OGDH: variants seen among roughly 807,000 people sequenced by gnomAD.
OGDH encodes 2-oxoglutarate dehydrogenase complex component E1.
Under a neutral mutation model 116.6 loss-of-function variants are expected in OGDH, and 38 were observed. The ratio of observed to expected loss-of-function variants is 0.33; its 90% CI spans 0.25 to 0.43. The LOEUF (loss-of-function observed/expected upper bound fraction) is 0.43, where lower values mean the gene tolerates loss of function less well. OGDH is among the 20% of genes least tolerant of loss of function. OGDH has a pLI of 1.00. For missense variants in OGDH, 825 were observed against 1,357.2 expected (o/e 0.61, Z 6.16); for synonymous variants, 488 against 533.3 (o/e 0.92, Z 1.17).
intron 5 of OGDH, among the ~76,000 whole-genome samples, chr7:44,672,105 A>C (rs530479478): frequency 3.9e-4 from 59 of 152,122 alleles, no homozygotes; most frequent in Admixed American, 2.5e-3. Context: ...TAAAAAAAAA[A>C]CCTTAAATAC....
intron 6 of OGDH, 128 bp downstream of exon 6, chr7:44,674,069 C>T (rs1179200223): frequency 1.9e-6 from 2 of 1,061,844 alleles, no homozygotes; most frequent in Non-Finnish European, 2.7e-6. Context: ...ACAGGCAAAG[C>T]TCCATCTGCA....
intron 2 of OGDH, among the ~76,000 whole-genome samples, chr7:44,642,143 T>C (rs545603438): frequency 2.6e-4 from 40 of 151,510 alleles, no homozygotes; most frequent in African/African-American, 9.3e-4. Flanking sequence ...TAGGCCCAGA[T>C]GGTGGCTCAT....
chr7:44,682,675 G>A (rs1376364827), intron 10 of OGDH, among the ~76,000 whole-genome samples: 2 of 152,008 alleles, frequency 1.3e-5, no homozygotes, highest in East Asian at 3.9e-4. Flanking sequence ...GGGCGACAGA[G>A]CAGGAGTCTG....
chr7:44,696,285 C>T (rs939319276), intron 13 of OGDH, 144 bp from the exon 14 acceptor site: 40 of 1,127,084 alleles, frequency 3.5e-5, no homozygotes, highest in Admixed American at 2.2e-5. Flanking sequence ...TGGACCCAGA[C>T]CCCTGCATTA....
chr7:44,623,145 CTG>C (rs775158308), intron 1 of OGDH, among the ~76,000 whole-genome samples: 4 of 152,206 alleles, frequency 2.6e-5, no homozygotes, highest in Non-Finnish European at 5.9e-5. Context: ...GGACAACCCT[CTG>C]TGGCTTTTCC....
intron 14 of OGDH, 103 bp from the exon 15 acceptor site, chr7:44,696,811 T>C: frequency 7.1e-7 from 1 of 1,400,180 alleles, no homozygotes; most frequent in Non-Finnish European, 9.6e-7. Flanking sequence ...ACCCAGAAAC[T>C]ACGAGTAAAG....
At chr7:44,684,265 A>G (rs1160643639) in intron 10 of OGDH, among the ~76,000 whole-genome samples, 4 of 152,176 alleles carry the variant, frequency 2.6e-5, no homozygotes, top group African/African-American at 9.7e-5. Context: ...GACGCAAGGA[A>G]GTGATGAGAT....
Position 44,707,453 on chromosome 7 carries a change from G to A in OGDH, c.2796+65G>A. 6.2e-7 allele frequency: 1 copy of A among 1,602,140 alleles called. No homozygotes were observed. The highest frequency in any genetic ancestry group is 8.5e-7 in the Non-Finnish European group (1 of 1,173,224). ...GGGTCAGGGCTCTGGTGCCTTCACAGAACAGCCTTGCTTGGGGTGTGGCCC... is the reference window on the plus strand; with the variant it reads ...GGGTCAGGGCTCTGGTGCCTTCACAAAACAGCCTTGCTTGGGGTGTGGCCC... On this transcript the variant is annotated intron_variant, in intron 21 of 22. Coordinates refer to ENST00000222673, the MANE Select transcript of OGDH (RefSeq NM_002541.4). The surrounding 1 kb of genome is among the most constrained non-coding windows in gnomAD (Gnocchi z 5.2).
chr7:44,627,643 G>A (rs1166198080), intron 2 of OGDH, among the ~76,000 whole-genome samples: 3 of 151,966 alleles, frequency 2.0e-5, no homozygotes, highest in Non-Finnish European at 4.4e-5. Context: ...CCTGCCCTTT[G>A]GCACTACTTT....
Position 44,676,022 on chromosome 7 carries a change from G to A in OGDH, c.1079G>A (p.Arg360His), listed in dbSNP as rs764772007. 3.7e-6 allele frequency: 6 copies of A among 1,614,092 alleles called. No homozygotes were observed. Among genetic ancestry groups the A allele is most frequent in the East Asian group, 2.2e-5 (1 of 44,880 alleles). ...GGCATGTATCACCGCAGGATCAATC[G>A]TGTCACCGACAGGAACATTACCTTG... ...HLGMYHRRINRVTDRNITLSL... is the reference protein window; with the variant it reads ...HLGMYHRRINHVTDRNITLSL... Residue 360 changes from arginine (R) to histidine (H), a missense_variant, in exon 9 of 23, where the codon CGT (arginine) becomes CAT (histidine). By Grantham distance (29) the Arg-to-His change is conservative (BLOSUM62 0). This residue lies in a region of OGDH where 146 missense variants were observed against 317.3 expected (regional missense o/e 0.46). Coordinates refer to ENST00000222673, the MANE Select transcript of OGDH (RefSeq NM_002541.4).
intron 2 of OGDH, 32 bp from the exon 3 acceptor site, chr7:44,645,295 G>A: frequency 1.9e-6 from 3 of 1,597,306 alleles, no homozygotes; most frequent in Non-Finnish European, 1.7e-6. Flanking sequence ...TAGGGGAGCA[G>A]TGAGGTAACC....
At chr7:44,669,778 T>G (rs1300383785) in intron 5 of OGDH, among the ~76,000 whole-genome samples, 1 of 152,158 alleles carries the variant, frequency 6.6e-6, no homozygotes, top group East Asian at 1.9e-4. Context: ...CTGTATGCGC[T>G]CCTGGCCCCA....
chr7:44,642,741 G>A (rs1786001423), intron 2 of OGDH, among the ~76,000 whole-genome samples: 1 of 152,108 alleles, frequency 6.6e-6, no homozygotes, highest in African/African-American at 2.4e-5. Flanking sequence ...GGCCAACACA[G>A]TGAAACCCTG....
chr7:44,655,413 C>G (rs987258683), intron 4 of OGDH, among the ~76,000 whole-genome samples: 21 of 152,154 alleles, frequency 1.4e-4, no homozygotes, highest in African/African-American at 5.1e-4. Context: ...GGAGACTAGC[C>G]CCTGTCACAG....
chr7:44,645,677 A>T (rs193007825), intron 3 of OGDH, among the ~76,000 whole-genome samples, 159 bp downstream of exon 3: 176 of 152,298 alleles, frequency 1.2e-3, no homozygotes, highest in African/African-American at 4.0e-3. Context: ...TAAAAAACAA[A>T]TACACAAGAA....
intron 6 of OGDH, 50 bp downstream of exon 6, chr7:44,673,991 G>T: frequency 6.2e-7 from 1 of 1,609,672 alleles, no homozygotes. Flanking sequence ...GGGAAGCAGT[G>T]ACCCTGTCTG....
At chr7:44,614,655 TTC>T (rs1287061042) in intron 1 of OGDH, among the ~76,000 whole-genome samples, 1 of 152,150 alleles carries the variant, frequency 6.6e-6, no homozygotes, top group Non-Finnish European at 1.5e-5. Flanking sequence ...TCTCTACATC[TTC>T]TCTTTGCTGA....
At chr7:44,610,448 C>T (rs1018327121) in intron 1 of OGDH, among the ~76,000 whole-genome samples, 3 of 151,958 alleles carry the variant, frequency 2.0e-5, no homozygotes, top group South Asian at 2.1e-4. Context: ...GGATTACAGG[C>T]GCTTGCCACC....
intron 18 of OGDH, among the ~76,000 whole-genome samples, chr7:44,699,262 C>T (rs1366822536): frequency 6.6e-6 from 1 of 151,938 alleles, no homozygotes; most frequent in Non-Finnish European, 1.5e-5. Context: ...CCCGTCTCTA[C>T]TAAAAATACA....
Sources: allele counts gnomAD v4.1 joint callset (sites outside exome capture counted in the v4.1 genomes callset), GRCh38; gene constraint gnomAD v4.1.1; regional missense constraint gnomAD v4.1.1; non-coding constraint Gnocchi (gnomAD v3.1); transcripts MANE v1.5; gene names NCBI Gene and HGNC (gene_info 2026-07-23, HGNC 2026-07-21).